The following HSD17B12 variants were observed in gnomAD, a reference collection of about 807,000 sequenced individuals.
The protein encoded by HSD17B12 is hydroxysteroid 17-beta dehydrogenase 12, also known as very-long-chain 3-oxoacyl-CoA reductase.
HSD17B12 carries 32 observed loss-of-function variants against 39.3 expected under a neutral mutation model. That is an observed-to-expected ratio of 0.81 (90% CI 0.61 to 1.09). The LOEUF (loss-of-function observed/expected upper bound fraction) is 1.09, where lower values mean the gene tolerates loss of function less well. Among genes scored for constraint, HSD17B12 ranks in the 50% least tolerant of loss-of-function variants. HSD17B12 has a pLI of 0.00. For synonymous variants in HSD17B12, 150 were observed against 146.7 expected (o/e 1.02, Z -0.16); for missense variants, 342 against 382.9 (o/e 0.89, Z 0.89).
intron 3 of HSD17B12, among the ~76,000 whole-genome samples, chr11:43,782,633 C>T (rs986139726): frequency 6.6e-6 from 1 of 150,718 alleles, no homozygotes; most frequent in Admixed American, 6.6e-5. Flanking sequence ...CAAGATTGCG[C>T]CACTGCACTC....
chr11:43,645,980 C>CAAAAAA, the HSD17B12 span: 4 of 142,044 alleles, frequency 2.8e-5, no homozygotes, highest in African/African-American at 1.0e-4. Context: ...GACCCTGTCT[C>CAAAAAA]AAAAAAAAAA....
intron 3 of HSD17B12, chr11:43,754,746 T>G (rs1034733107): frequency 1.4e-5 from 8 of 557,668 alleles, no homozygotes; most frequent in Non-Finnish European, 2.5e-5. Flanking sequence ...TTCATTTCAG[T>G]ATTCCTGAAT....
the HSD17B12 span, among the ~76,000 whole-genome samples, chr11:43,665,043 G>T: frequency 1.3e-5 from 2 of 152,260 alleles, no homozygotes; most frequent in Non-Finnish European, 2.9e-5. Flanking sequence ...TAGAAAAAAT[G>T]TTCATTCATA....
At chr11:43,613,564 A>C in the HSD17B12 span, among the ~76,000 whole-genome samples, 1 of 151,676 alleles carries the variant, frequency 6.6e-6, no homozygotes, top group African/African-American at 2.4e-5. Flanking sequence ...AAAAGTGATA[A>C]CTTTCTTATT....
chr11:43,774,156 A>G lies in HSD17B12; in HGVS notation c.283+20035A>G, dbSNP rs1950676171. ...TGTAGGGCAAGCTCAGGGGTGCCAC[A>G]TTTTCCAATTTTTTTAAAGAATTTT... is the stretch of plus-strand genomic sequence containing the variant. On this transcript the variant is annotated intron_variant, in intron 3 of 10. Transcript: ENST00000278353. Among the ~76,000 whole-genome samples, 3 of 151,982 alleles carry G rather than the reference A, an allele frequency of 2.0e-5. No homozygotes were observed. In the South Asian group the frequency reaches 6.2e-4, roughly 32 times the overall value.
intron 6 of HSD17B12, among the ~76,000 whole-genome samples, chr11:43,819,968 C>A (rs1951165333): frequency 6.6e-6 from 1 of 152,150 alleles, no homozygotes; most frequent in Admixed American, 6.6e-5. Context: ...CATGTGGAAT[C>A]AATGGATCAT....
At chr11:43,567,833 T>C in the HSD17B12 span, among the ~76,000 whole-genome samples, 1 of 152,216 alleles carries the variant, frequency 6.6e-6, no homozygotes, top group Admixed American at 6.5e-5. Context: ...AACCAGCATT[T>C]TACAAATGAG....
At chr11:43,773,952 C>G (rs1950673679) in intron 3 of HSD17B12, among the ~76,000 whole-genome samples, 1 of 152,142 alleles carries the variant, frequency 6.6e-6, no homozygotes, top group Non-Finnish European at 1.5e-5. Flanking sequence ...CTATGCCTCT[C>G]TTTTCTGTTT....
intron 1 of HSD17B12, chr11:43,718,873 C>T (rs1950150772): frequency 4.5e-6 from 4 of 881,316 alleles, no homozygotes; most frequent in Non-Finnish European, 7.6e-6. Context: ...AAAGCACCCT[C>T]AGGAGAAACA....
At chr11:43,638,967 C>T in the HSD17B12 span, among the ~76,000 whole-genome samples, 3 of 152,072 alleles carry the variant, frequency 2.0e-5, no homozygotes, top group Non-Finnish European at 4.4e-5. Flanking sequence ...CCAATAGTGT[C>T]GGGTCTGAAT....
In HSD17B12 at chr11:43,749,644, T is replaced by C. The variant is rs141118354; in HGVS notation, c.161-1267T>C. 3.1e-3 allele frequency among the ~76,000 whole-genome samples: 477 copies of C among 151,998 alleles called. 5 individuals are homozygous for C. The highest frequency in any genetic ancestry group is 0.011 in the African/African-American group (458 of 41,522). On this transcript the variant is annotated intron_variant, in intron 1 of 10. Transcript: ENST00000278353. ...ATATTTCAACTTTTTTTTTCTTTTTTTTTTTTAATTCTGGAAAGATATCAG... is the reference window on the plus strand; with the variant it reads ...ATATTTCAACTTTTTTTTTCTTTTTCTTTTTTAATTCTGGAAAGATATCAG...
intron 1 of HSD17B12, among the ~76,000 whole-genome samples, chr11:43,691,022 C>T (rs186195485): frequency 1.3e-5 from 2 of 152,264 alleles, no homozygotes; most frequent in East Asian, 1.9e-4. Flanking sequence ...CTGCATATTC[C>T]CTTCTAGATG....
At chr11:43,605,634 A>G in the HSD17B12 span, among the ~76,000 whole-genome samples, 1 of 152,058 alleles carries the variant, frequency 6.6e-6, no homozygotes, top group Admixed American at 6.5e-5. Context: ...GTCTCAGGCA[A>G]CTTGCTCAAC....
the HSD17B12 span, among the ~76,000 whole-genome samples, chr11:43,571,588 T>C: frequency 2.0e-5 from 3 of 152,160 alleles, no homozygotes; most frequent in Non-Finnish European, 4.4e-5. Context: ...GCATTTGAGT[T>C]TGCCCATCGA....
the HSD17B12 span, among the ~76,000 whole-genome samples, chr11:43,578,268 G>T: frequency 6.6e-6 from 1 of 152,160 alleles, no homozygotes; most frequent in Non-Finnish European, 1.5e-5. Flanking sequence ...GGACAGAGAA[G>T]AGACCAGGTC....
At chr11:43,635,125 A>G in the HSD17B12 span, among the ~76,000 whole-genome samples, 1 of 152,250 alleles carries the variant, frequency 6.6e-6, no homozygotes, top group Non-Finnish European at 1.5e-5. Context: ...ACTATGAAAT[A>G]GAGATGATGT....
chr11:43,655,910 C>T, the HSD17B12 span, among the ~76,000 whole-genome samples: 2 of 152,180 alleles, frequency 1.3e-5, no homozygotes, highest in Non-Finnish European at 2.9e-5. Flanking sequence ...CAGGATGATG[C>T]TGGCCTCATA....
At chr11:43,638,495 T>C in the HSD17B12 span, among the ~76,000 whole-genome samples, 1 of 152,176 alleles carries the variant, frequency 6.6e-6, no homozygotes, top group Non-Finnish European at 1.5e-5. Flanking sequence ...AGTTTTTGAA[T>C]GGATTTGTAG....
At chr11:43,613,242 A>C in the HSD17B12 span, among the ~76,000 whole-genome samples, 1 of 152,254 alleles carries the variant, frequency 6.6e-6, no homozygotes, top group East Asian at 1.9e-4. Context: ...AAATAGAAAA[A>C]TTAGCCAGAC....
Sources: gnomAD v4.1 joint callset for allele counts (sites outside exome capture counted in the v4.1 genomes callset) on GRCh38, gnomAD v4.1.1 for gene constraint, MANE v1.5 for transcripts, NCBI Gene and HGNC (gene_info 2026-07-23, HGNC 2026-07-21) for gene names.